The following AGTPBP1 variants were observed in gnomAD, a reference collection of about 807,000 sequenced individuals.
AGTPBP1 encodes ATP/GTP binding carboxypeptidase 1.
In AGTPBP1, 70 loss-of-function variants were observed where a neutral mutation model predicts 143.9. The observed-to-expected ratio is 0.49, with a 90% CI of 0.40 to 0.59. The LOEUF (loss-of-function observed/expected upper bound fraction) is 0.59. AGTPBP1 is among the 20% of genes least tolerant of loss of function. The pLI is 0.00. For synonymous variants in AGTPBP1, 463 were observed against 500.2 expected (o/e 0.93, Z 0.99); for missense variants, 1,229 against 1,464.5 (o/e 0.84, Z 2.62).
the AGTPBP1 span, among the ~76,000 whole-genome samples, chr9:85,780,848 G>C: frequency 2.6e-5 from 4 of 152,190 alleles, no homozygotes; most frequent in African/African-American, 7.2e-5. Context: ...CGGGCACGGT[G>C]GCTCATGTCT....
At chr9:85,695,387 G>A (rs977508165) in intron 2 of AGTPBP1, among the ~76,000 whole-genome samples, 2 of 152,082 alleles carry the variant, frequency 1.3e-5, no homozygotes, top group South Asian at 4.1e-4. Flanking sequence ...AAATGCTAAG[G>A]GTACCTAAGA....
At chr9:85,561,833 ATTT>A (rs763799341) in intron 25 of AGTPBP1, among the ~76,000 whole-genome samples, 1 of 139,962 alleles carries the variant, frequency 7.1e-6, no homozygotes, top group Admixed American at 7.2e-5. Context: ...TAAAAGTACA[ATTT>A]TTTTTTTTTT....
chr9:85,669,449 G>T (rs778731041), intron 8 of AGTPBP1, 36 bp downstream of exon 8: 2 of 1,382,002 alleles, frequency 1.4e-6, no homozygotes, highest in Non-Finnish European at 2.1e-6. Context: ...AGTAACAAAG[G>T]CTATACCTAT....
intron 8 of AGTPBP1, among the ~76,000 whole-genome samples, chr9:85,669,105 T>G (rs1834326608): frequency 6.6e-6 from 1 of 150,792 alleles, no homozygotes; most frequent in Non-Finnish European, 1.5e-5. Context: ...TTTAAGATTG[T>G]TCAGGTATTC....
At position 85,578,932 on chromosome 9, in the gene AGTPBP1, C is replaced by T. The variant is rs1828066330; in HGVS notation, c.3330G>A (p.Gln1110=). 1 of 1,611,948 alleles carries T rather than the reference C, an allele frequency of 6.2e-7. No individual in the cohort carries two copies. Among genetic ancestry groups the T allele is most frequent in the African/African-American group, 1.3e-5 (1 of 74,776 alleles). The change falls in exon 24 of 26, where the codon CAG becomes CAA. Residue 1110 remains glutamine (Q), a synonymous_variant. Transcript: ENST00000357081. ...TAAGATGTTTTACCTTGTATTTTCC[C>T]TGATCACAGCCACATAAAGTACTCT... ...TMESTLCGCD[Q]GKYKGLQIGT...
At chr9:85,778,934 T>TCAAATG in the AGTPBP1 span, among the ~76,000 whole-genome samples, 2 of 152,164 alleles carry the variant, frequency 1.3e-5, no homozygotes, top group Non-Finnish European at 2.9e-5. Flanking sequence ...ATCAGGAGTG[T>TCAAATG]CAAATGCATT....
intron 2 of AGTPBP1, among the ~76,000 whole-genome samples, chr9:85,704,004 A>C (rs1355779816): frequency 6.6e-6 from 1 of 152,240 alleles, no homozygotes; most frequent in African/African-American, 2.4e-5. Flanking sequence ...TTAAAAGTTA[A>C]ATAAGACAGA....
chr9:85,697,804 A>C (rs1221975596), intron 2 of AGTPBP1, among the ~76,000 whole-genome samples: 1 of 152,108 alleles, frequency 6.6e-6, no homozygotes, highest in Non-Finnish European at 1.5e-5. Flanking sequence ...GCATGAACAA[A>C]AGTTTTTTGG....
intron 21 of AGTPBP1, 104 bp downstream of exon 21, chr9:85,588,194 G>C (rs542109140): frequency 9.3e-7 from 1 of 1,071,658 alleles, no homozygotes; most frequent in East Asian, 2.9e-5. Context: ...CTTTATTCTA[G>C]AAAAATCACT....
At chr9:85,786,447 T>A in the AGTPBP1 span, 2 of 1,613,812 alleles carry the variant, frequency 1.2e-6, no homozygotes, top group Admixed American at 3.3e-5. Flanking sequence ...CCTGTAAAAC[T>A]GTGTCGAAAA....
chr9:85,785,001 G>C, the AGTPBP1 span, among the ~76,000 whole-genome samples: 1 of 152,170 alleles, frequency 6.6e-6, no homozygotes. Context: ...TTTGGCTTGA[G>C]AGCTGCCAAT....
At chr9:85,634,071 G>A (rs943956886) in intron 13 of AGTPBP1, among the ~76,000 whole-genome samples, 3 of 151,286 alleles carry the variant, frequency 2.0e-5, no homozygotes, top group East Asian at 1.9e-4. Flanking sequence ...GGTGGACACC[G>A]TAATCCCAGC....
At chr9:85,802,006 G>A in the AGTPBP1 span, among the ~76,000 whole-genome samples, 1 of 152,112 alleles carries the variant, frequency 6.6e-6, no homozygotes, top group Non-Finnish European at 1.5e-5. Context: ...AATCCTTACT[G>A]TGTCTCAATT....
At position 85,660,986 on chromosome 9, in the gene AGTPBP1, CAAGAA is replaced by C; in HGVS notation, c.663-18_663-14del. 1.9e-6 allele frequency: 3 copies of C among 1,585,284 alleles called. No homozygotes were observed. Among genetic ancestry groups the C allele is most frequent in the Non-Finnish European group, 2.6e-6 (3 of 1,168,904 alleles). ...GTCTAAAGCAACCCTGTCAACACAA[CAAGAA>C]AACACAAACAACAACAAAACTAGTA... is the stretch of plus-strand genomic sequence containing the variant. On this transcript the variant is annotated splice_polypyrimidine_tract_variant and intron_variant, in intron 8 of 25. Coordinates refer to ENST00000357081, the MANE Select transcript of AGTPBP1 (RefSeq NM_001330701.2).
chr9:85,667,875 T>C (rs910388622), intron 8 of AGTPBP1, among the ~76,000 whole-genome samples: 2 of 147,332 alleles, frequency 1.4e-5, no homozygotes, highest in Admixed American at 6.8e-5. Context: ...ATAGACTTAA[T>C]TGAAGCCCTG....
At chr9:85,688,895 A>G (rs1057377602) in intron 3 of AGTPBP1, among the ~76,000 whole-genome samples, 11 of 152,226 alleles carry the variant, frequency 7.2e-5, no homozygotes, top group Non-Finnish European at 5.9e-5. Context: ...TTCCATCAAT[A>G]TAGCTACTGC....
At chr9:85,630,995 T>C (rs762644564) in intron 14 of AGTPBP1, among the ~76,000 whole-genome samples, 3 of 152,182 alleles carry the variant, frequency 2.0e-5, no homozygotes, top group African/African-American at 4.8e-5. Flanking sequence ...GTTCCACACA[T>C]AGTCAACCCA....
At chr9:85,597,915 C>A (rs1055959143) in intron 17 of AGTPBP1, among the ~76,000 whole-genome samples, 1 of 152,042 alleles carries the variant, frequency 6.6e-6, no homozygotes, top group Admixed American at 6.6e-5. Context: ...TTAAGATGAT[C>A]TTTCTTATTT....
chr9:85,623,599 A>C (rs1831083093), intron 14 of AGTPBP1, among the ~76,000 whole-genome samples: 1 of 152,062 alleles, frequency 6.6e-6, no homozygotes, highest in Non-Finnish European at 1.5e-5. Context: ...CTACTAAAAA[A>C]TACAAAAATT....
Sources: gnomAD v4.1 joint callset for allele counts (sites outside exome capture counted in the v4.1 genomes callset) on GRCh38, gnomAD v4.1.1 for gene constraint, MANE v1.5 for transcripts, NCBI Gene and HGNC (gene_info 2026-07-23, HGNC 2026-07-21) for gene names.